ANKRD52: variants seen among roughly 807,000 people sequenced by gnomAD.
The protein encoded by ANKRD52 is ankyrin repeat domain 52.
In ANKRD52, 7 loss-of-function variants were observed where a neutral mutation model predicts 116.0. That is an observed-to-expected ratio of 0.06 (90% CI 0.03 to 0.11). ANKRD52 has a LOEUF of 0.11. ANKRD52 is among the 10% of genes least tolerant of loss of function. ANKRD52 has a pLI of 1.00. For missense variants in ANKRD52, 839 were observed against 1,408.6 expected (o/e 0.60, Z 6.47); for synonymous variants, 528 against 578.1 (o/e 0.91, Z 1.24).
rs1277575266 is a variant in ANKRD52 at position 56,238,261 on chromosome 12, A to G, written c.*4881T>C. 1.3e-5 allele frequency: 2 copies of G among 153,476 alleles called. No individual in the cohort carries two copies. Among genetic ancestry groups the G allele is most frequent in the African/African-American group, 4.8e-5 (2 of 41,422 alleles). 9.5% of individuals were successfully genotyped at this position (153,476 alleles called of 1,614,324 possible). A position where few individuals can be genotyped will look rare whatever the true frequency, so the allele number is the denominator to read the frequency against. ...CTTCCTACAACCGAGTACATGGGTCACAGGGTGGAGGGTGCAACAGGACAT... is the reference window on the plus strand; with the variant it reads ...CTTCCTACAACCGAGTACATGGGTCGCAGGGTGGAGGGTGCAACAGGACAT... On this transcript the variant is annotated 3_prime_UTR_variant, in exon 28 of 28. Coordinates refer to ENST00000267116, the MANE Select transcript of ANKRD52 (RefSeq NM_173595.4).
chr12:56,237,963 A>T lies in ANKRD52; in HGVS notation c.*5179T>A. The T allele has an allele frequency of 5.4e-6, 2 of 368,260 alleles. No individual in the cohort carries two copies. Among genetic ancestry groups the T allele is most frequent in the Non-Finnish European group, 4.8e-6 (1 of 206,254 alleles). 22.8% of individuals were successfully genotyped at this position (368,260 alleles called of 1,614,324 possible). Reference sequence around the variant, plus strand: ...GTAGGGGCCTGGAGGGTGCAGGGTCATTAATCTGCGGGGAGAACATTGTGC... The same window carrying T: ...GTAGGGGCCTGGAGGGTGCAGGGTCTTTAATCTGCGGGGAGAACATTGTGC... On this transcript the variant is annotated 3_prime_UTR_variant, in exon 28 of 28. Coordinates refer to ENST00000267116, the MANE Select transcript of ANKRD52 (RefSeq NM_173595.4).
At chr12:56,250,667 T>C (rs1871645012) in intron 15 of ANKRD52, among the ~76,000 whole-genome samples, 1 of 150,832 alleles carries the variant, frequency 6.6e-6, no homozygotes, top group Non-Finnish European at 1.5e-5. Context: ...GAGGATTGCT[T>C]GAGCCCAGGA....
At chr12:56,249,227 C>T (rs1043754738) in intron 15 of ANKRD52, among the ~76,000 whole-genome samples, 1 of 152,186 alleles carries the variant, frequency 6.6e-6, no homozygotes, top group Non-Finnish European at 1.5e-5. Context: ...CCTCCCAGCC[C>T]ACCCGAATAA....
In ANKRD52 at chr12:56,243,742, ACC is replaced by A. The variant is rs1481994446; in HGVS notation, c.2980+41_2980+42del. 1 of 1,526,524 alleles carries A rather than the reference ACC, an allele frequency of 6.6e-7. No homozygotes were observed. Among genetic ancestry groups the A allele is most frequent in the Non-Finnish European group, 8.9e-7 (1 of 1,125,894 alleles). 94.6% of individuals were successfully genotyped at this position (1,526,524 alleles called of 1,614,324 possible). A position where few individuals can be genotyped will look rare whatever the true frequency, so the allele number is the denominator to read the frequency against. ...AGTCACCTCCTGAAGAATGTCCCTG[ACC>A]CCAAACCCAAGAGAGGCATGGGGCC... On this transcript the variant is annotated intron_variant, in intron 27 of 27. Transcript: ENST00000267116. This position sits in a 1 kb window ranked among gnomAD's most constrained non-coding sequence, Gnocchi z 4.6.
chr12:56,252,378 G>A lies in ANKRD52; in HGVS notation c.1371-63C>T. ...GAGACAGATACGAATGCAATCAGATGTGCAGCCAAATGCTGCTTTGTAACA... is the reference window on the plus strand; with the variant it reads ...GAGACAGATACGAATGCAATCAGATATGCAGCCAAATGCTGCTTTGTAACA... On this transcript the variant is annotated intron_variant, in intron 13 of 27. Coordinates refer to ENST00000267116, the MANE Select transcript of ANKRD52 (RefSeq NM_173595.4). The surrounding 1 kb of genome is among the most constrained non-coding windows in gnomAD (Gnocchi z 4.7). 8 of 1,604,476 alleles carry A rather than the reference G, an allele frequency of 5.0e-6. No homozygotes were observed. The highest frequency in any genetic ancestry group is 6.8e-6 in the Non-Finnish European group (8 of 1,171,882).
rs776387617 is a variant in ANKRD52, at chr12:56,247,693, T to C, written c.2060A>G (p.Tyr687Cys). The C allele has an allele frequency of 3.7e-6, 6 of 1,611,178 alleles. No individual in the cohort carries two copies. Among genetic ancestry groups the C allele is most frequent in the African/African-American group, 1.3e-5 (1 of 74,874 alleles). ...RADITDVMDAYGQTPLMLAIM... is the reference protein window; with the variant it reads ...RADITDVMDACGQTPLMLAIM... ...CACCCTGGCCCACACTCACTGTCCA[T>C]AGGCATCCATGACATCTGTGATGTC... The change falls in exon 19 of 28, where the codon TAT becomes TGT. Residue 687 changes from tyrosine (Y) to cysteine (C), a missense_variant. Tyr to Cys is a radical substitution (Grantham distance 194). This residue lies in a region of ANKRD52 where 552 missense variants were observed against 810.6 expected (regional missense o/e 0.68). Transcript: ENST00000267116.
Position 56,245,010 on chromosome 12 carries a change from G to A in ANKRD52, c.2493-21C>T, listed in dbSNP as rs202186942. The A allele has an allele frequency of 2.5e-6, 4 of 1,613,466 alleles. No individual in the cohort carries two copies. In the South Asian group the frequency reaches 3.3e-5, roughly 13 times the overall value. ...TAATCCTAGAGGAAGAGGGAGGAGG[G>A]GTCATCAGGAAGGACAAGGGAAGTA... On this transcript the variant is annotated intron_variant, in intron 22 of 27. Transcript: ENST00000267116.
In ANKRD52 at chr12:56,240,243, C is replaced by T. The variant is rs1188951202; in HGVS notation, c.*2899G>A. 4 of 152,150 alleles carry T rather than the reference C, an allele frequency of 2.6e-5. No individual in the cohort carries two copies. The highest frequency in any genetic ancestry group is 4.4e-5 in the Non-Finnish European group (3 of 68,052). 9.4% of individuals were successfully genotyped at this position (152,150 alleles called of 1,614,324 possible). A position where few individuals can be genotyped will look rare whatever the true frequency, so the allele number is the denominator to read the frequency against. On this transcript the variant is annotated 3_prime_UTR_variant, in exon 28 of 28. Coordinates refer to ENST00000267116, the MANE Select transcript of ANKRD52 (RefSeq NM_173595.4). The surrounding 1 kb of genome is among the most constrained non-coding windows in gnomAD (Gnocchi z 4.2). Reference sequence around the variant, plus strand: ...GTTTTTCTGAAGGATAGTATATGACCCTACCAGAGCCACCGCCCAATCAGA... The same window carrying T: ...GTTTTTCTGAAGGATAGTATATGACTCTACCAGAGCCACCGCCCAATCAGA...
chr12:56,245,738 G>A (rs1181731245), intron 20 of ANKRD52, 142 bp from the exon 21 acceptor site: 14 of 732,652 alleles, frequency 1.9e-5, no homozygotes, highest in Admixed American at 1.0e-4. Context: ...TTTTGGAGTC[G>A]GAGTCTTGCT....
In ANKRD52 at chr12:56,243,459, G is replaced by A. The variant is rs529455368; in HGVS notation, c.2981-67C>T. The A allele has an allele frequency of 7.3e-5, 112 of 1,538,962 alleles. No homozygotes were observed. In the East Asian group the frequency reaches 2.6e-3, roughly 36 times the overall value. ...TCCTAGCCAGCCTCCCCCAAGCCCT[G>A]AAGTCTCTTCTCTGTGGAGGGAGCC... is the stretch of plus-strand genomic sequence containing the variant. On this transcript the variant is annotated intron_variant, in intron 27 of 27. Coordinates refer to ENST00000267116, the MANE Select transcript of ANKRD52 (RefSeq NM_173595.4). The surrounding 1 kb of genome is among the most constrained non-coding windows in gnomAD (Gnocchi z 4.6).
intron 2 of ANKRD52, 118 bp from the exon 3 acceptor site, chr12:56,257,479 A>T (rs1454428195): frequency 9.5e-6 from 9 of 951,708 alleles, no homozygotes; most frequent in Non-Finnish European, 1.5e-5. Context: ...TAGTTTCTGC[A>T]GCGTCCTAAG....
rs1286037942 is a variant in ANKRD52, at chr12:56,257,177, A to G, written c.191-92T>C. On this transcript the variant is annotated intron_variant, in intron 3 of 27. Transcript: ENST00000267116. ...GGCCAGGAAATCTGAATGGAGCTGG[A>G]GCCTCGCCTGGACCAAGCCGGGGAG... 1.9e-6 allele frequency: 3 copies of G among 1,553,048 alleles called. No individual in the cohort carries two copies. In the East Asian group the frequency reaches 7.0e-5, roughly 36 times the overall value.
rs377110722 is a variant in ANKRD52 at position 56,252,108 on chromosome 12, G to C, written c.1512-13C>G. 1 of 1,613,962 alleles carries C rather than the reference G, an allele frequency of 6.2e-7. No individual in the cohort carries two copies. Among genetic ancestry groups the C allele is most frequent in the Non-Finnish European group, 8.5e-7 (1 of 1,179,870 alleles). On this transcript the variant is annotated splice_polypyrimidine_tract_variant and intron_variant, in intron 14 of 27. Coordinates refer to ENST00000267116, the MANE Select transcript of ANKRD52 (RefSeq NM_173595.4). The surrounding 1 kb of genome is among the most constrained non-coding windows in gnomAD (Gnocchi z 4.7). ...ATGGGGTTCCGCTCTGGGGAAGAGA[G>C]AGAGAAAGTTAGGGCCAGGCTCAGG...
In ANKRD52 at chr12:56,242,865, T is replaced by C; in HGVS notation, c.*277A>G. On this transcript the variant is annotated 3_prime_UTR_variant, in exon 28 of 28. Transcript: ENST00000267116. The surrounding 1 kb of genome is among the most constrained non-coding windows in gnomAD (Gnocchi z 4.3). The stretch of plus-strand genomic sequence containing the variant: ...GGAACCAAGAGATGGAGTCAAAGAG[T>C]GGGGGAGCCAGGCATTTAGCAATCA... The C allele has an allele frequency of 2.4e-6, 1 of 413,570 alleles. No individual in the cohort carries two copies. Among genetic ancestry groups the C allele is most frequent in the Non-Finnish European group, 4.3e-6 (1 of 231,116 alleles). 25.6% of individuals were successfully genotyped at this position (413,570 alleles called of 1,614,324 possible).
rs774230319 is a variant in ANKRD52, at chr12:56,248,145, C to T, written c.1856G>A (p.Arg619Gln). 18 of 1,613,808 alleles carry T rather than the reference C, an allele frequency of 1.1e-5. No individual in the cohort carries two copies. Among genetic ancestry groups the T allele is most frequent in the Admixed American group, 5.0e-5 (3 of 60,010 alleles). Residue 619 changes from arginine (R) to glutamine (Q), a missense_variant, in exon 18 of 28, where the codon CGG (arginine) becomes CAG (glutamine). Physicochemically the swap from Arg to Gln is conservative, Grantham distance 43 (BLOSUM62 1). Transcript: ENST00000267116. The surrounding 1 kb of genome is among the most constrained non-coding windows in gnomAD (Gnocchi z 5.1). ...CTCCGTGGCCAGGAAGAGTGCGGTC[C>T]GGCCCTTGTGGTCCCTTACGTCCAG... ...VNLDVRDHKGRTALFLATERG... is the reference protein window; with the variant it reads ...VNLDVRDHKGQTALFLATERG...
intron 3 of ANKRD52, 97 bp from the exon 4 acceptor site, chr12:56,257,182 C>CG: frequency 1.3e-6 from 2 of 1,550,218 alleles, no homozygotes; most frequent in African/African-American, 1.4e-5. Flanking sequence ...GCTGGAGCCT[C>CG]GCCTGGACCA....
chr12:56,257,365 G>A lies in ANKRD52; in HGVS notation c.112-4C>T, dbSNP rs1216342380. ...ATGGAGTTCGCCTCTCTTGGTCCTGGGAAGGCAAAAAAGAGCAGGGAGTAT... is the reference window on the plus strand; with the variant it reads ...ATGGAGTTCGCCTCTCTTGGTCCTGAGAAGGCAAAAAAGAGCAGGGAGTAT... On this transcript the variant is annotated splice_polypyrimidine_tract_variant and splice_region_variant and intron_variant, in intron 2 of 27. Coordinates refer to ENST00000267116, the MANE Select transcript of ANKRD52 (RefSeq NM_173595.4). 6.3e-7 allele frequency: 1 copy of A among 1,582,740 alleles called. No individual in the cohort carries two copies. Among genetic ancestry groups the A allele is most frequent in the Non-Finnish European group, 8.6e-7 (1 of 1,164,370 alleles).
Position 56,244,767 on chromosome 12 carries a change from G to T in ANKRD52, c.2607C>A (p.Asp869Glu). 1 of 1,613,844 alleles carries T rather than the reference G, an allele frequency of 6.2e-7. No homozygotes were observed. Reference protein sequence around the residue: ...RTPLHAAAFADNVSGLRMLLQ... With the variant: ...RTPLHAAAFAENVSGLRMLLQ... ...GCAGCATCCGGAGCCCAGAGACATT[G>T]TCCGCGAAGGCAGCGGCGTGAAGGG... The change falls in exon 24 of 28, where the codon GAC (aspartate) becomes GAA (glutamate). Residue 869 changes from aspartate to glutamate, a missense_variant. Around this residue, in one of 2 missense-constraint regions of ANKRD52, gnomAD observed 552 missense variants for 810.6 expected, o/e 0.68. Transcript: ENST00000267116. The surrounding 1 kb of genome is among the most constrained non-coding windows in gnomAD (Gnocchi z 4.9).
rs1871528544 is a variant in ANKRD52 at position 56,248,513 on chromosome 12, G to C, written c.1758C>G (p.Val586=). The C allele has an allele frequency of 6.3e-7, 1 of 1,596,210 alleles. No homozygotes were observed. Among genetic ancestry groups the C allele is most frequent in the Non-Finnish European group, 8.5e-7 (1 of 1,171,496 alleles). ...GACTCACAGCTAAGTGCAAAGGGCTGACTGGAATGGTGCTCTCCACATCCT... is the reference window on the plus strand; with the variant it reads ...GACTCACAGCTAAGTGCAAAGGGCTCACTGGAATGGTGCTCTCCACATCCT... ...CLEDVESTIP[V]SPLHLAAYNG... The change falls in exon 17 of 28, where the codon GTC becomes GTG. Residue 586 remains valine, a synonymous_variant. Coordinates refer to ENST00000267116, the MANE Select transcript of ANKRD52 (RefSeq NM_173595.4). The surrounding 1 kb of genome is among the most constrained non-coding windows in gnomAD (Gnocchi z 5.1).
Sources: allele counts gnomAD v4.1 joint callset (sites outside exome capture counted in the v4.1 genomes callset), GRCh38; gene constraint gnomAD v4.1.1; regional missense constraint gnomAD v4.1.1; non-coding constraint Gnocchi (gnomAD v3.1); transcripts MANE v1.5; gene names NCBI Gene and HGNC (gene_info 2026-07-23, HGNC 2026-07-21).